DPYD: variants seen among roughly 807,000 people sequenced by gnomAD.
DPYD encodes the protein dihydropyrimidine dehydrogenase, also known as dihydropyrimidine dehydrogenase [NADP(+)].
A neutral mutation model predicts 116.2 loss-of-function variants in DPYD; 109 were observed. The observed-to-expected ratio is 0.94, with a 90% CI of 0.80 to 1.10. The LOEUF is 1.10. Ranked by LOEUF, DPYD falls within the 50% of genes least tolerant of loss-of-function variation. The pLI is 0.00. For missense variants in DPYD, 1,302 were observed against 1,254.5 expected (o/e 1.04, Z -0.57); for synonymous variants, 440 against 432.0 (o/e 1.02, Z -0.23).
chr1:97,633,801 T>C lies in DPYD; in HGVS notation c.851-38635A>G, dbSNP rs1008213020. ...TAGGCTTCAAGGGATGATTAACTCA[T>C]GGGGAAGTGGCTAGACAATATATGG... On this transcript the variant is annotated intron_variant, in intron 8 of 22. Coordinates refer to ENST00000370192, the MANE Select transcript of DPYD (RefSeq NM_000110.4). Among the ~76,000 whole-genome samples, 41 of 152,076 alleles carry C rather than the reference T, an allele frequency of 2.7e-4. 1 individual carries two copies. The highest frequency in any genetic ancestry group is 2.1e-3 in the Admixed American group (32 of 15,240).
rs56819543 is a variant in DPYD, at chr1:97,203,793, CAAAAAAAAAA to C, written c.2443-10555_2443-10546del. Among the ~76,000 whole-genome samples, 157 of 65,730 alleles carry C rather than the reference CAAAAAAAAAA, an allele frequency of 2.4e-3. 1 individual carries two copies. The highest frequency in any genetic ancestry group is 7.9e-3 in the African/African-American group (135 of 17,010). The allele number at this position is 65,730 out of a possible 152,430, so 43.1% of individuals were successfully genotyped here. On this transcript the variant is annotated intron_variant, in intron 19 of 22. Coordinates refer to ENST00000370192, the MANE Select transcript of DPYD (RefSeq NM_000110.4). ...AATAACTAAGCAGACATTCACATTC[CAAAAAAAAAA>C]AAAAAAAAAAAAAAAGAACAACTCA...
chr1:97,311,935 T>C (rs535260509), intron 16 of DPYD, among the ~76,000 whole-genome samples: 1 of 150,528 alleles, frequency 6.6e-6, no homozygotes, highest in Non-Finnish European at 1.5e-5. Context: ...AAGCAAAGAG[T>C]AGGGATGGTG....
At chr1:97,383,183 A>G (rs983920458) in intron 14 of DPYD, among the ~76,000 whole-genome samples, 7 of 152,154 alleles carry the variant, frequency 4.6e-5, no homozygotes, top group Non-Finnish European at 1.0e-4. Context: ...AAGAAAAGTA[A>G]TAACAGAAAT....
intron 14 of DPYD, among the ~76,000 whole-genome samples, chr1:97,397,224 C>T (rs12022243): frequency 0.19 from 29,092 of 151,802 alleles, 2,930 homozygotes; most frequent in South Asian, 0.36. Flanking sequence ...CTAATATATA[C>T]GCATGTATAA....
At chr1:97,519,289 C>T (rs1292082025) in intron 12 of DPYD, among the ~76,000 whole-genome samples, 1 of 152,178 alleles carries the variant, frequency 6.6e-6, no homozygotes, top group Non-Finnish European at 1.5e-5. Flanking sequence ...TCACATCTTA[C>T]ATGGATGACA....
chr1:97,775,021 G>T lies in DPYD; in HGVS notation c.234-34542C>A. 3 of 277,506 alleles carry T rather than the reference G, an allele frequency of 1.1e-5. No homozygotes were observed. In the South Asian group the frequency reaches 1.3e-4, roughly 12 times the overall value. The allele number at this position is 277,506 out of a possible 1,614,324, so 17.2% of individuals were successfully genotyped here. On this transcript the variant is annotated intron_variant, in intron 3 of 22. Coordinates refer to ENST00000370192, the MANE Select transcript of DPYD (RefSeq NM_000110.4). ...GAAGCTCTATGAATGCCAGGTTTGT[G>T]ACAGTGTCTGGGGTTTATATGTAGA...
chr1:97,181,885 CTTTT>C (rs1000916050), intron 20 of DPYD, among the ~76,000 whole-genome samples: 1 of 152,084 alleles, frequency 6.6e-6, no homozygotes, highest in African/African-American at 2.4e-5. Context: ...GAGGATTTCT[CTTTT>C]TTATCACAGA....
chr1:97,245,364 C>T (rs968443745), intron 18 of DPYD, among the ~76,000 whole-genome samples: 1 of 152,092 alleles, frequency 6.6e-6, no homozygotes, highest in Non-Finnish European at 1.5e-5. Flanking sequence ...CTCAATCTCT[C>T]CAAATAAGAG....
chr1:97,500,811 C>T (rs1679535214), intron 13 of DPYD, among the ~76,000 whole-genome samples: 1 of 152,042 alleles, frequency 6.6e-6, no homozygotes, highest in Non-Finnish European at 1.5e-5. Context: ...CCACTAAATC[C>T]GTATTCTGTC....
At position 97,414,573 on chromosome 1, in the gene DPYD, G is replaced by A. The variant is rs189439809; in HGVS notation, c.1906-32112C>T. 2.8e-3 allele frequency among the ~76,000 whole-genome samples: 425 copies of A among 152,308 alleles called. 2 individuals are homozygous for A. Among genetic ancestry groups the A allele is most frequent in the Middle Eastern group, 3.4e-3 (1 of 294 alleles). On this transcript the variant is annotated intron_variant, in intron 14 of 22. Transcript: ENST00000370192. ...TTCATTTGGGTTTTTAACTATAAAT[G>A]TAGGAAGCTCACCTTCTAAATACAC...
At chr1:97,160,462 GA>G (rs1655808147) in intron 20 of DPYD, among the ~76,000 whole-genome samples, 1 of 151,976 alleles carries the variant, frequency 6.6e-6, no homozygotes, top group Non-Finnish European at 1.5e-5. Context: ...TATACTACCT[GA>G]AAAATGTGAG....
intron 16 of DPYD, among the ~76,000 whole-genome samples, chr1:97,319,669 A>G (rs377371915): frequency 0.25 from 18,424 of 75,152 alleles, 2,469 homozygotes; most frequent in Middle Eastern, 0.32. Flanking sequence ...AGGAACTGGT[A>G]CCATTCCTTC....
rs183086346 is a variant in DPYD, at chr1:97,554,662, T to C, written c.1340-4918A>G. On this transcript the variant is annotated intron_variant, in intron 11 of 22. Coordinates refer to ENST00000370192, the MANE Select transcript of DPYD (RefSeq NM_000110.4). The stretch of plus-strand genomic sequence containing the variant: ...CCAGGATATCAGAGTTCTGTTTAAA[T>C]AGAATAACCTGGGGTAAGGAAGGGC... 8.5e-5 allele frequency among the ~76,000 whole-genome samples: 13 copies of C among 152,256 alleles called. No individual in the cohort carries two copies. In the East Asian group the frequency reaches 1.7e-3, roughly 20 times the overall value.
intron 8 of DPYD, among the ~76,000 whole-genome samples, chr1:97,595,572 G>C (rs1002620782): frequency 6.6e-6 from 1 of 151,378 alleles, no homozygotes; most frequent in Non-Finnish European, 1.5e-5. Flanking sequence ...TCCTGAATAA[G>C]TAAAATCATT....
intron 3 of DPYD, among the ~76,000 whole-genome samples, chr1:97,805,121 T>C (rs1668019812): frequency 6.6e-6 from 1 of 151,908 alleles, no homozygotes; most frequent in African/African-American, 2.4e-5. Flanking sequence ...ACCCTGGGAA[T>C]GTAGGAGACC....
intron 13 of DPYD, among the ~76,000 whole-genome samples, chr1:97,481,988 T>A (rs1044642786): frequency 6.6e-6 from 1 of 152,220 alleles, no homozygotes; most frequent in African/African-American, 2.4e-5. Context: ...ATTGAAAGTA[T>A]CTTTTTTTAG....
intron 18 of DPYD, among the ~76,000 whole-genome samples, chr1:97,256,386 A>G (rs1239398107): frequency 1.3e-5 from 2 of 151,900 alleles, no homozygotes; most frequent in Non-Finnish European, 2.9e-5. Context: ...TAGCTTCCAC[A>G]ATTCCCATGT....
intron 16 of DPYD, among the ~76,000 whole-genome samples, chr1:97,360,586 G>A: frequency 6.6e-6 from 1 of 152,142 alleles, no homozygotes; most frequent in East Asian, 1.9e-4. Flanking sequence ...GAAAAGAACA[G>A]AAATCACAAC....
intron 2 of DPYD, among the ~76,000 whole-genome samples, chr1:97,865,952 CAAAG>C (rs1472913659): frequency 2.6e-5 from 4 of 151,820 alleles, no homozygotes; most frequent in Non-Finnish European, 5.9e-5. Context: ...ATAGGTGAAA[CAAAG>C]AAGACTAAGA....
Sources: allele counts gnomAD v4.1 joint callset (sites outside exome capture counted in the v4.1 genomes callset), GRCh38; gene constraint gnomAD v4.1.1; transcripts MANE v1.5; gene names NCBI Gene and HGNC (gene_info 2026-07-23, HGNC 2026-07-21).